The following ARHGAP22 variants were observed in gnomAD, a reference collection of about 807,000 sequenced individuals.
ARHGAP22 encodes the protein Rho GTPase activating protein 22.
In ARHGAP22, 48 loss-of-function variants were observed where a neutral mutation model predicts 59.1. That is an observed-to-expected ratio of 0.81 (90% CI 0.64 to 1.03). ARHGAP22 has a LOEUF of 1.03. Among genes scored for constraint, ARHGAP22 ranks in the 50% least tolerant of loss-of-function variants. The pLI is 0.00. For synonymous variants in ARHGAP22, 445 were observed against 416.4 expected, an observed-to-expected ratio of 1.07 and a Z score of -0.84; for missense variants, 1,015 against 958.7, an observed-to-expected ratio of 1.06 and a Z score of -0.78.
intron 4 of ARHGAP22, among the ~76,000 whole-genome samples, chr10:48,472,886 C>T (rs1193624161): frequency 1.3e-5 from 2 of 152,040 alleles, no homozygotes; most frequent in African/African-American, 4.8e-5. Context: ...AACTTGTGTA[C>T]TGCCAGTGGG....
At chr10:48,592,439 C>T (rs1048962001) in intron 1 of ARHGAP22, among the ~76,000 whole-genome samples, 3 of 152,214 alleles carry the variant, frequency 2.0e-5, no homozygotes, top group African/African-American at 4.8e-5. Context: ...CATTCTTTGG[C>T]CCTTTGGCTA....
chr10:48,509,379 A>T (rs1430637223), intron 3 of ARHGAP22, among the ~76,000 whole-genome samples: 1 of 152,220 alleles, frequency 6.6e-6, no homozygotes, highest in African/African-American at 2.4e-5. Context: ...CCAGAACAGG[A>T]TGCCAGGCAC....
intron 2 of ARHGAP22, among the ~76,000 whole-genome samples, chr10:48,576,302 A>T (rs967424616): frequency 2.4e-4 from 37 of 152,206 alleles, no homozygotes; most frequent in African/African-American, 8.7e-4. Flanking sequence ...GGCCCTTTCT[A>T]GAAGAGGGAG....
At chr10:48,531,045 G>A (rs1474685946) in intron 3 of ARHGAP22, among the ~76,000 whole-genome samples, 1 of 152,152 alleles carries the variant, frequency 6.6e-6, no homozygotes, top group Non-Finnish European at 1.5e-5. Context: ...TCAAAGAGTG[G>A]ATAAAGAAAA....
intron 1 of ARHGAP22, among the ~76,000 whole-genome samples, chr10:48,600,199 CTT>C: frequency 6.6e-6 from 1 of 152,244 alleles, no homozygotes; most frequent in East Asian, 1.9e-4. Flanking sequence ...GATTCTCTCA[CTT>C]TCCTTCCTTC....
At chr10:48,655,439 C>T (rs990044261), upstream of ARHGAP22, 3 of 152,502 alleles carry the variant, frequency 2.0e-5, no homozygotes, top group East Asian at 1.9e-4. Context: ...GGACAGTGAC[C>T]TCAGGGGGAG....
intron 1 of ARHGAP22, among the ~76,000 whole-genome samples, chr10:48,623,119 G>A (rs550918936): frequency 1.1e-4 from 16 of 152,334 alleles, no homozygotes; most frequent in Admixed American, 2.6e-4. Flanking sequence ...GCCAGCCTGC[G>A]GACATAGCCA....
Position 48,604,842 on chromosome 10 carries a change from C to T in ARHGAP22, c.-46G>A. 1 of 1,614,010 alleles carries T rather than the reference C, an allele frequency of 6.2e-7. No individual in the cohort carries two copies. Among genetic ancestry groups the T allele is most frequent in the African/African-American group, 1.3e-5 (1 of 75,060 alleles). On this transcript the variant is annotated 5_prime_UTR_variant, in exon 1 of 10. An upstream start codon of the reference 5' UTR is lost. Transcript: ENST00000249601. ...AGCCCCGCAGGGCCGTTCATGCTGT[C>T]ATCCACTTGCTTTTGCTCGTCCTCG...
At chr10:48,490,467 C>G (rs905806195) in intron 3 of ARHGAP22, among the ~76,000 whole-genome samples, 2 of 152,138 alleles carry the variant, frequency 1.3e-5, no homozygotes, top group African/African-American at 4.8e-5. Flanking sequence ...CCCAAATGCC[C>G]CAGTTAAGAA....
chr10:48,436,218 T>C, the ARHGAP22 span: 6 of 152,260 alleles, frequency 3.9e-5, no homozygotes, highest in African/African-American at 1.4e-4. Flanking sequence ...TTTCTTCACA[T>C]TGAGCAGAGC....
the ARHGAP22 span, among the ~76,000 whole-genome samples, chr10:48,432,015 T>C: frequency 6.6e-6 from 1 of 152,214 alleles, no homozygotes; most frequent in Non-Finnish European, 1.5e-5. Context: ...CCAAATCTAT[T>C]ATGTAGATGA....
intron 1 of ARHGAP22, among the ~76,000 whole-genome samples, chr10:48,586,912 C>T (rs1012080813): frequency 6.6e-6 from 1 of 152,208 alleles, no homozygotes; most frequent in African/African-American, 2.4e-5. Flanking sequence ...GGCCCCCTTT[C>T]CCTCTCCATA....
the ARHGAP22 span, chr10:48,437,285 G>A: frequency 2.6e-5 from 4 of 152,104 alleles, no homozygotes; most frequent in African/African-American, 4.8e-5. Flanking sequence ...TACAGTTTTC[G>A]TCTTAAATTT....
At chr10:48,650,420 G>C (rs2062513618) in intron 1 of ARHGAP22, among the ~76,000 whole-genome samples, 2 of 152,142 alleles carry the variant, frequency 1.3e-5, no homozygotes, top group African/African-American at 4.8e-5. Context: ...ATGTTTGCAT[G>C]GGGTGGAGAA....
intron 3 of ARHGAP22, among the ~76,000 whole-genome samples, chr10:48,509,438 C>T (rs1385512537): frequency 6.6e-6 from 1 of 152,224 alleles, no homozygotes; most frequent in Non-Finnish European, 1.5e-5. Context: ...GCAGACGCTC[C>T]ATGAATGACA....
intron 1 of ARHGAP22, among the ~76,000 whole-genome samples, chr10:48,649,250 G>T (rs2062449073): frequency 6.6e-6 from 1 of 152,080 alleles, no homozygotes; most frequent in Non-Finnish European, 1.5e-5. Context: ...ACACAGTCAT[G>T]CCCCCCTACC....
At chr10:48,523,678 G>A (rs981126351) in intron 3 of ARHGAP22, among the ~76,000 whole-genome samples, 2 of 151,930 alleles carry the variant, frequency 1.3e-5, no homozygotes, top group African/African-American at 2.4e-5. Flanking sequence ...ACCTGCGAGC[G>A]GGTCTGGGCG....
intron 8 of ARHGAP22, chr10:48,451,502 T>C: frequency 1.4e-6 from 1 of 702,382 alleles, no homozygotes; most frequent in Non-Finnish European, 2.6e-6. Flanking sequence ...GCCAGAACTC[T>C]CTCGGCTGCC....
chr10:48,530,899 G>T (rs1279782563), intron 3 of ARHGAP22, among the ~76,000 whole-genome samples: 1 of 151,994 alleles, frequency 6.6e-6, no homozygotes, highest in Non-Finnish European at 1.5e-5. Context: ...ACTACCATTT[G>T]ATTCAACAAT....
Sources: allele counts gnomAD v4.1 joint callset (sites outside exome capture counted in the v4.1 genomes callset), GRCh38; gene constraint gnomAD v4.1.1; transcripts MANE v1.5; gene names NCBI Gene and HGNC (gene_info 2026-07-23, HGNC 2026-07-21).